The following C1QTNF2 variants were observed in gnomAD, a reference collection of about 807,000 sequenced individuals.
C1QTNF2 encodes the protein C1q and TNF related 2, also known as complement C1q tumor necrosis factor-related protein 2.
In C1QTNF2, 15 loss-of-function variants were observed where a neutral mutation model predicts 17.4. That is an observed-to-expected ratio of 0.86 (90% CI 0.58 to 1.33). The LOEUF (loss-of-function observed/expected upper bound fraction) is 1.33. Ranked by LOEUF, C1QTNF2 falls within the 40% of genes most tolerant of loss-of-function variation. The probability of loss-of-function intolerance (pLI) is 0.00; values close to 1 mark genes in which losing one functional copy is unlikely to be tolerated. For synonymous variants in C1QTNF2, 154 were observed against 163.3 expected, an observed-to-expected ratio of 0.94 and a Z score of 0.44; for missense variants, 381 against 392.3, an observed-to-expected ratio of 0.97 and a Z score of 0.24.
rs905367632 is a variant in C1QTNF2, at chr5:160,354,006, T to C, written c.244+762A>G. Among the ~76,000 whole-genome samples, 53 of 152,068 alleles carry C rather than the reference T, an allele frequency of 3.5e-4. 1 individual carries two copies. The highest frequency in any genetic ancestry group is 1.2e-3 in the African/African-American group (50 of 41,484). Reference sequence around the variant, plus strand: ...TTTTAGTAGAGATGGGGTTTTGCCATGTTGGCCTGGCTAGTCTTGAACTCC... The same window carrying C: ...TTTTAGTAGAGATGGGGTTTTGCCACGTTGGCCTGGCTAGTCTTGAACTCC... On this transcript the variant is annotated intron_variant, in intron 2 of 2. Coordinates refer to ENST00000652664, the MANE Select transcript of C1QTNF2 (RefSeq NM_031908.6).
At chr5:160,365,432 C>A (rs571613202) in intron 1 of C1QTNF2, among the ~76,000 whole-genome samples, 1 of 152,234 alleles carries the variant, frequency 6.6e-6, no homozygotes, top group Non-Finnish European at 1.5e-5. Flanking sequence ...TGATACAGGG[C>A]CGGGCACAAT....
intron 1 of C1QTNF2, among the ~76,000 whole-genome samples, chr5:160,364,201 C>T (rs954418498): frequency 2.6e-5 from 4 of 152,192 alleles, no homozygotes; most frequent in Non-Finnish European, 5.9e-5. Flanking sequence ...ACACTTGCAG[C>T]GGATCTCAAT....
rs1173906082 is a variant in C1QTNF2, at chr5:160,354,611, T to A, written c.244+157A>T. Among the ~76,000 whole-genome samples, 1,320 of 134,052 alleles carry A rather than the reference T, an allele frequency of 9.8e-3. 53 individuals carry two copies. Among genetic ancestry groups the A allele is most frequent in the African/African-American group, 0.019 (654 of 34,640 alleles). The allele number at this position is 134,052 out of a possible 152,430, so 87.9% of individuals were successfully genotyped here. ...AAAAAAAAAAAAGTATATATATATA[T>A]ATATATATATATATATATATATAGA... On this transcript the variant is annotated intron_variant, in intron 2 of 2. Coordinates refer to ENST00000652664, the MANE Select transcript of C1QTNF2 (RefSeq NM_031908.6).
chr5:160,354,597 A>AAATATATATATAT (rs769774870), intron 2 of C1QTNF2, among the ~76,000 whole-genome samples, 171 bp downstream of exon 2: 4 of 89,306 alleles, frequency 4.5e-5, no homozygotes, highest in Admixed American at 1.2e-4. Flanking sequence ...AAAAAAAAAA[A>AAATATATATATAT]GTATATATAT....
At chr5:160,351,304 A>G (rs770319276) in intron 2 of C1QTNF2, among the ~76,000 whole-genome samples, 4 of 152,272 alleles carry the variant, frequency 2.6e-5, no homozygotes, top group Non-Finnish European at 4.4e-5. Context: ...CATTTTAAGC[A>G]AAACCTATAT....
At chr5:160,365,488 G>A (rs1482118404) in intron 1 of C1QTNF2, among the ~76,000 whole-genome samples, 2 of 151,966 alleles carry the variant, frequency 1.3e-5, no homozygotes, top group African/African-American at 4.8e-5. Context: ...GAGGTGGGGG[G>A]ATCACCTGAA....
intron 1 of C1QTNF2, 27 bp from the exon 2 acceptor site, chr5:160,355,047 G>T: frequency 6.6e-7 from 1 of 1,506,290 alleles, no homozygotes; most frequent in Admixed American, 2.3e-5. Context: ...AGCTGTGACA[G>T]GTGAGTGTGG....
In C1QTNF2 at chr5:160,356,355, T is replaced by A. The variant is rs146539380; in HGVS notation, c.-9-1335A>T. Among the ~76,000 whole-genome samples the A allele has an allele frequency of 1.3e-3, 198 of 152,344 alleles. 4 individuals carry two copies. In the East Asian group the frequency reaches 0.034, roughly 26 times the overall value. ...AACAGGGGCTGGGCTAGAGCAGTGG[T>A]TCCTAAACTTCAGTGCGCATCACAC... On this transcript the variant is annotated intron_variant, in intron 1 of 2. Coordinates refer to ENST00000652664, the MANE Select transcript of C1QTNF2 (RefSeq NM_031908.6).
chr5:160,357,865 G>A (rs1447233132), intron 1 of C1QTNF2, among the ~76,000 whole-genome samples: 1 of 151,508 alleles, frequency 6.6e-6, no homozygotes, highest in Non-Finnish European at 1.5e-5. Context: ...ACGAGAGAGA[G>A]GGAGAGAGAC....
chr5:160,365,602 T>A (rs1030660336), intron 1 of C1QTNF2, among the ~76,000 whole-genome samples: 3 of 151,810 alleles, frequency 2.0e-5, no homozygotes, highest in Non-Finnish European at 4.4e-5. Flanking sequence ...GAAAAAAAAA[T>A]CAGATACAGG....
rs142533065 is a variant in C1QTNF2, at chr5:160,365,502, A to G, written c.-10+5010T>C. On this transcript the variant is annotated intron_variant, in intron 1 of 2. Coordinates refer to ENST00000652664, the MANE Select transcript of C1QTNF2 (RefSeq NM_031908.6). ...TGAGGTGGGGGGATCACCTGAAGAC[A>G]GGAGTTCGAGACCAGTCTGGCCAAC... Among the ~76,000 whole-genome samples, 13 of 152,180 alleles carry G rather than the reference A, an allele frequency of 8.5e-5. No individual in the cohort carries two copies. In the East Asian group the frequency reaches 2.3e-3, roughly 27 times the overall value.
At chr5:160,359,292 C>G (rs957214240) in intron 1 of C1QTNF2, among the ~76,000 whole-genome samples, 1 of 148,102 alleles carries the variant, frequency 6.8e-6, no homozygotes, top group African/African-American at 2.5e-5. Context: ...GCTTCCTGCC[C>G]CTGCTATTTT....
At chr5:160,367,487 A>T (rs1028140664) in intron 1 of C1QTNF2, among the ~76,000 whole-genome samples, 2 of 152,216 alleles carry the variant, frequency 1.3e-5, no homozygotes, top group Non-Finnish European at 2.9e-5. Flanking sequence ...GGTAGGCCCT[A>T]ATCCAGTATG....
intron 1 of C1QTNF2, among the ~76,000 whole-genome samples, chr5:160,359,905 C>A (rs1477438571): frequency 1.3e-5 from 2 of 152,214 alleles, no homozygotes; most frequent in African/African-American, 2.4e-5. Flanking sequence ...CCTGCCCCAG[C>A]CTCAGCTCCT....
intron 1 of C1QTNF2, among the ~76,000 whole-genome samples, chr5:160,368,547 A>T (rs918298681): frequency 1.3e-5 from 2 of 151,820 alleles, no homozygotes; most frequent in African/African-American, 4.8e-5. Context: ...AAAAGAAAAA[A>T]GAAAAAAAAG....
At chr5:160,367,233 T>C (rs1198676333) in intron 1 of C1QTNF2, among the ~76,000 whole-genome samples, 1 of 152,112 alleles carries the variant, frequency 6.6e-6, no homozygotes, top group Non-Finnish European at 1.5e-5. Context: ...AATGTAAAAC[T>C]TGGGAGATTT....
chr5:160,369,889 A>G (rs1764318302), intron 1 of C1QTNF2, among the ~76,000 whole-genome samples: 1 of 152,206 alleles, frequency 6.6e-6, no homozygotes, highest in African/African-American at 2.4e-5. Flanking sequence ...TAGGTGGGGA[A>G]GGAGAGTGAA....
In C1QTNF2 at chr5:160,370,595, C is replaced by T. The variant is rs1227585850; in HGVS notation, c.-93G>A. 1 of 1,451,372 alleles carries T rather than the reference C, an allele frequency of 6.9e-7. No homozygotes were observed. The highest frequency in any genetic ancestry group is 1.5e-5 in the South Asian group (1 of 67,920). The allele number at this position is 1,451,372 out of a possible 1,614,324, so 89.9% of individuals were successfully genotyped here. A position where few individuals can be genotyped will look rare whatever the true frequency, so the allele number is the denominator to read the frequency against. On this transcript the variant is annotated 5_prime_UTR_variant, in exon 1 of 3. Coordinates refer to ENST00000652664, the MANE Select transcript of C1QTNF2 (RefSeq NM_031908.6). ...TCCGCGTCCCGGCTTTCCTCAGCGG[C>T]AGCAGCCGGGCAGAGCGTCGGCCCC...
At chr5:160,351,690 G>A (rs1763925483) in intron 2 of C1QTNF2, among the ~76,000 whole-genome samples, 1 of 152,006 alleles carries the variant, frequency 6.6e-6, no homozygotes, top group African/African-American at 2.4e-5. Flanking sequence ...GGTGAGGGAA[G>A]GATGAGAAGG....
Sources: gnomAD v4.1 joint callset for allele counts (sites outside exome capture counted in the v4.1 genomes callset) on GRCh38, gnomAD v4.1.1 for gene constraint, MANE v1.5 for transcripts, NCBI Gene and HGNC (gene_info 2026-07-23, HGNC 2026-07-21) for gene names.